The following RTL4 variants were observed in gnomAD, a reference collection of about 807,000 sequenced individuals.
RTL4 encodes retrotransposon Gag-like protein 4.
Under a neutral mutation model 5.3 loss-of-function variants are expected in RTL4, and 4 were observed. The ratio of observed to expected loss-of-function variants is 0.75; its 90% CI spans 0.37 to 1.72. RTL4 has a LOEUF of 1.72. Among genes scored for constraint, RTL4 ranks in the 40% most tolerant of loss-of-function variants. RTL4 has a pLI of 0.04. For synonymous variants in RTL4, 98 were observed against 87.3 expected (o/e 1.12, Z -0.68); for missense variants, 260 against 227.1 (o/e 1.14, Z -0.93).
chrX:112,180,960 G>A, the RTL4 span, among the ~76,000 whole-genome samples: 2 of 111,919 alleles, frequency 1.8e-5, no homozygotes, highest in Admixed American at 9.4e-5. Context: ...GGTGATTTCC[G>A]CATTTCCAAC....
At chrX:112,402,143 C>T in the RTL4 span, among the ~76,000 whole-genome samples, 11 of 111,886 alleles carry the variant, frequency 9.8e-5, no homozygotes, top group South Asian at 3.7e-4. Flanking sequence ...TCAGAATATG[C>T]GGATGTCTTT....
chrX:112,133,082 A>G, the RTL4 span, among the ~76,000 whole-genome samples: 15 of 112,122 alleles, frequency 1.3e-4, no homozygotes, highest in African/African-American at 4.9e-4. Flanking sequence ...GTTCATGGTG[A>G]AATAGCGGCA....
the RTL4 span, among the ~76,000 whole-genome samples, chrX:112,098,387 C>A: frequency 4.5e-5 from 5 of 111,261 alleles, no homozygotes; most frequent in African/African-American, 1.6e-4. Context: ...GGTTCCAAGT[C>A]CTTGCTATTG....
chrX:112,119,010 A>ATT, the RTL4 span, among the ~76,000 whole-genome samples: 3 of 91,951 alleles, frequency 3.3e-5, no homozygotes, highest in Non-Finnish European at 4.3e-5. Flanking sequence ...CACCCAGCTA[A>ATT]TTTTTTTTTT....
At chrX:112,388,138 T>A in the RTL4 span, among the ~76,000 whole-genome samples, 1 of 112,331 alleles carries the variant, frequency 8.9e-6, no homozygotes, top group Admixed American at 9.4e-5. Context: ...TTCACCTCTC[T>A]GGTTAGCTAT....
At chrX:112,260,767 C>T in the RTL4 span, among the ~76,000 whole-genome samples, 59 of 111,772 alleles carry the variant, frequency 5.3e-4, 2 homozygotes, top group East Asian at 0.014. Context: ...TATACCTATA[C>T]ATTTGGTTAC....
At chrX:112,402,422 GT>G in the RTL4 span, among the ~76,000 whole-genome samples, 1 of 108,619 alleles carries the variant, frequency 9.2e-6, no homozygotes, top group Non-Finnish European at 1.9e-5. Context: ...GTGTGTGTGT[GT>G]GTGTGTGTGT....
At chrX:112,126,335 C>T in the RTL4 span, among the ~76,000 whole-genome samples, 1,544 of 112,334 alleles carry the variant, frequency 0.014, 19 homozygotes, top group African/African-American at 0.048. Flanking sequence ...AACACAAATA[C>T]TCTCTGGAGG....
chrX:112,383,920 C>CCTCAGCATCATGCAATATA, the RTL4 span, among the ~76,000 whole-genome samples: 6 of 111,552 alleles, frequency 5.4e-5, no homozygotes, highest in African/African-American at 2.0e-4. Flanking sequence ...GTATCCCAAA[C>CCTCAGCATCATGCAATATA]CTCAGCATCA....
chrX:112,084,017 C>G, the RTL4 span, among the ~76,000 whole-genome samples: 3 of 111,594 alleles, frequency 2.7e-5, no homozygotes, highest in Non-Finnish European at 5.6e-5. Context: ...AAACCTTTCC[C>G]TACCCATTCT....
At chrX:112,116,504 C>T in the RTL4 span, among the ~76,000 whole-genome samples, 1 of 111,426 alleles carries the variant, frequency 9.0e-6, no homozygotes, top group Non-Finnish European at 1.9e-5. Context: ...CTTATTTGTC[C>T]CTGCCCACAT....
the RTL4 span, among the ~76,000 whole-genome samples, chrX:112,228,336 A>G: frequency 8.9e-6 from 1 of 112,113 alleles, no homozygotes; most frequent in Admixed American, 9.4e-5. Flanking sequence ...CCACAAGTTC[A>G]AAGGAACCAT....
chrX:112,354,420 C>A, the RTL4 span, among the ~76,000 whole-genome samples: 5 of 111,405 alleles, frequency 4.5e-5, no homozygotes, highest in African/African-American at 1.6e-4. Context: ...CCTTTATGTG[C>A]CTGTCACATG....
At chrX:112,236,099 C>T in the RTL4 span, among the ~76,000 whole-genome samples, 1 of 109,753 alleles carries the variant, frequency 9.1e-6, no homozygotes, top group Non-Finnish European at 1.9e-5. Context: ...GGCCCAAGTG[C>T]CAGAGAGGGG....
At chrX:112,125,046 G>T in the RTL4 span, among the ~76,000 whole-genome samples, 5 of 108,010 alleles carry the variant, frequency 4.6e-5, no homozygotes, top group African/African-American at 1.7e-4. Flanking sequence ...GACTACAGGT[G>T]CATGCCACCA....
chrX:112,342,037 C>T, the RTL4 span, among the ~76,000 whole-genome samples: 2 of 111,024 alleles, frequency 1.8e-5, no homozygotes, highest in Non-Finnish European at 3.8e-5. Flanking sequence ...CATAAAAGAA[C>T]ACATCTCTAA....
At chrX:112,322,430 T>C in the RTL4 span, among the ~76,000 whole-genome samples, 1 of 110,373 alleles carries the variant, frequency 9.1e-6, no homozygotes, top group Non-Finnish European at 1.9e-5. Flanking sequence ...TGCTATAGTT[T>C]TATATAATAA....
the RTL4 span, among the ~76,000 whole-genome samples, chrX:112,424,031 C>T: frequency 5.4e-5 from 6 of 111,185 alleles, no homozygotes; most frequent in East Asian, 2.8e-4. Context: ...GTCTTTAGTT[C>T]GTGTACCTGA....
At chrX:112,445,243 A>C in the RTL4 span, among the ~76,000 whole-genome samples, 2 of 112,252 alleles carry the variant, frequency 1.8e-5, no homozygotes, top group Non-Finnish European at 3.8e-5. Flanking sequence ...TGTACTTAGA[A>C]TTCCAACAGA....
Sources: gnomAD v4.1 joint callset for allele counts (sites outside exome capture counted in the v4.1 genomes callset) on GRCh38, gnomAD v4.1.1 for gene constraint, MANE v1.5 for transcripts, NCBI Gene and HGNC (gene_info 2026-07-23, HGNC 2026-07-21) for gene names.